RBM27: variants seen among roughly 807,000 people sequenced by gnomAD.
RBM27 encodes RNA binding motif protein 27, also known as RNA-binding protein 27.
A neutral mutation model predicts 135.3 loss-of-function variants in RBM27; 22 were observed. That is an observed-to-expected ratio of 0.16 (90% confidence interval 0.12 to 0.23). RBM27 has a LOEUF of 0.23. Ranked by LOEUF, RBM27 falls within the 10% of genes least tolerant of loss-of-function variation. The pLI is 1.00. For synonymous variants in RBM27, 481 were observed against 442.4 expected (o/e 1.09, Z -1.10); for missense variants, 1,009 against 1,281.0 (o/e 0.79, Z 3.24).
intron 1 of RBM27, among the ~76,000 whole-genome samples, chr5:146,213,455 T>TA (rs1756057184): frequency 6.6e-6 from 1 of 152,182 alleles, no homozygotes; most frequent in Non-Finnish European, 1.5e-5. Context: ...AGATTTTTTT[T>TA]TTTTAAGCTG....
chr5:146,219,951 T>C (rs1302906593), intron 2 of RBM27, among the ~76,000 whole-genome samples: 1 of 152,168 alleles, frequency 6.6e-6, no homozygotes, highest in Admixed American at 6.5e-5. Flanking sequence ...GGCTGATCCT[T>C]GAACTTCTTG....
intron 19 of RBM27, among the ~76,000 whole-genome samples, chr5:146,283,754 G>A (rs970906927): frequency 2.8e-4 from 42 of 152,206 alleles, no homozygotes; most frequent in African/African-American, 9.9e-4. Context: ...ACCATGCTAT[G>A]CTCCAAGTGT....
intron 15 of RBM27, 68 bp downstream of exon 15, chr5:146,267,836 T>TGTAAC: frequency 2.0e-6 from 3 of 1,485,134 alleles, no homozygotes; most frequent in South Asian, 1.2e-5. Flanking sequence ...GGTTACATTA[T>TGTAAC]CACTTTTAAA....
intron 3 of RBM27, among the ~76,000 whole-genome samples, chr5:146,227,548 A>C (rs1756732420): frequency 6.6e-6 from 1 of 152,136 alleles, no homozygotes; most frequent in Non-Finnish European, 1.5e-5. Context: ...TCTCCATTAG[A>C]TAGGTATTTG....
At chr5:146,241,543 G>A (rs1757409273) in intron 8 of RBM27, among the ~76,000 whole-genome samples, 1 of 152,108 alleles carries the variant, frequency 6.6e-6, no homozygotes, top group East Asian at 1.9e-4. Flanking sequence ...GTGCAGTGGC[G>A]CAACCTCCAC....
intron 11 of RBM27, among the ~76,000 whole-genome samples, chr5:146,259,376 C>T (rs778810214): frequency 4.6e-5 from 7 of 151,596 alleles, no homozygotes; most frequent in Non-Finnish European, 1.0e-4. Context: ...TGGTGGCACG[C>T]GCCTGTAATC....
chr5:146,265,200 C>T (rs1463528601), intron 14 of RBM27, among the ~76,000 whole-genome samples: 1 of 151,912 alleles, frequency 6.6e-6, no homozygotes, highest in Non-Finnish European at 1.5e-5. Flanking sequence ...ACCCAAATAC[C>T]CATCTGTAGG....
intron 15 of RBM27, among the ~76,000 whole-genome samples, chr5:146,268,662 A>T: frequency 6.6e-6 from 1 of 152,094 alleles, no homozygotes; most frequent in East Asian, 1.9e-4. Context: ...GGCCCAGTGC[A>T]GCCTTGATGT....
At chr5:146,215,965 G>C (rs1452981251) in intron 1 of RBM27, among the ~76,000 whole-genome samples, 2 of 152,008 alleles carry the variant, frequency 1.3e-5, no homozygotes, top group Non-Finnish European at 2.9e-5. Context: ...GGGTCAGGCT[G>C]GTCTTGAACT....
intron 1 of RBM27, among the ~76,000 whole-genome samples, chr5:146,211,464 C>G (rs1217099560): frequency 6.0e-5 from 3 of 49,904 alleles, no homozygotes; most frequent in Admixed American, 3.9e-4. Flanking sequence ...ATGGTCTTAT[C>G]TTTTTTTTTT....
intron 7 of RBM27, among the ~76,000 whole-genome samples, chr5:146,235,927 G>A (rs771165490): frequency 5.9e-5 from 9 of 152,142 alleles, no homozygotes; most frequent in Non-Finnish European, 7.3e-5. Flanking sequence ...CTGGGCTCAA[G>A]CAGTTTGCTT....
At chr5:146,204,507 TA>T (rs1226760220) in intron 1 of RBM27, among the ~76,000 whole-genome samples, 1 of 145,284 alleles carries the variant, frequency 6.9e-6, no homozygotes, top group Non-Finnish European at 1.5e-5. Context: ...TTGATAGTGC[TA>T]GGGGAACTGA....
chr5:146,259,935 T>C (rs1323319827), intron 11 of RBM27, among the ~76,000 whole-genome samples: 1 of 124,978 alleles, frequency 8.0e-6, no homozygotes, highest in Non-Finnish European at 1.6e-5. Context: ...ATTGCGCCAC[T>C]GCAGTCCGCA....
intron 19 of RBM27, among the ~76,000 whole-genome samples, chr5:146,278,937 G>A (rs1019348888): frequency 6.6e-6 from 1 of 151,670 alleles, no homozygotes; most frequent in African/African-American, 2.4e-5. Flanking sequence ...TAGCCAGGAT[G>A]GTCTCGATCT....
chr5:146,274,082 T>C (rs1316055139), intron 19 of RBM27, among the ~76,000 whole-genome samples: 2 of 152,138 alleles, frequency 1.3e-5, no homozygotes, highest in Non-Finnish European at 1.5e-5. Context: ...CCTCCTGGGT[T>C]CAAGCGATTA....
intron 2 of RBM27, 34 bp downstream of exon 2, chr5:146,219,137 G>A: frequency 6.9e-7 from 1 of 1,446,966 alleles, no homozygotes; most frequent in Non-Finnish European, 9.6e-7. Flanking sequence ...GAGTATTGAA[G>A]TAAAGATTTT....
Position 146,230,670 on chromosome 5 carries a change from A to G in RBM27, c.603A>G (p.Arg201=), listed in dbSNP as rs1756888838. 1.2e-6 allele frequency: 2 copies of G among 1,614,108 alleles called. No homozygotes were observed. The highest frequency in any genetic ancestry group is 2.2e-5 in the East Asian group (1 of 44,888). The change falls in exon 6 of 21, where the codon AGA becomes AGG. Residue 201 remains arginine (R), a synonymous_variant. Transcript: ENST00000265271. ...GTCTCCAAGTAGAGCACAGGGAAAG[A>G]TCGAAGTTTAAGAGTGAAAGGAATG... ...DPNRNVEHRE[R]SKFKSERNDL... is the part of the protein sequence containing the mutation.
chr5:146,204,988 C>A (rs1463312930), intron 1 of RBM27, among the ~76,000 whole-genome samples: 5 of 152,176 alleles, frequency 3.3e-5, no homozygotes, highest in Admixed American at 3.3e-4. Flanking sequence ...ACCTCCGCCT[C>A]CCGGGTTCAA....
At chr5:146,262,523 T>C (rs974768512) in intron 13 of RBM27, among the ~76,000 whole-genome samples, 14 of 152,174 alleles carry the variant, frequency 9.2e-5, no homozygotes, top group Non-Finnish European at 1.5e-4. Flanking sequence ...CTACCACACA[T>C]CAGAGCCATT....
Sources: gnomAD v4.1 joint callset for allele counts (sites outside exome capture counted in the v4.1 genomes callset) on GRCh38, gnomAD v4.1.1 for gene constraint, MANE v1.5 for transcripts, NCBI Gene and HGNC (gene_info 2026-07-23, HGNC 2026-07-21) for gene names.